TMEM266: variants seen among roughly 807,000 people sequenced by gnomAD.
TMEM266 encodes the protein Hv1 related protein 1.
In TMEM266, 33 loss-of-function variants were observed where a neutral mutation model predicts 50.5. That is an observed-to-expected ratio of 0.65 (90% confidence interval 0.50 to 0.87). TMEM266 has a LOEUF of 0.87. TMEM266 is among the 40% of genes least tolerant of loss of function. The pLI, the probability that TMEM266 is intolerant of heterozygous loss-of-function variation, is 0.00. For missense variants in TMEM266, 655 were observed against 695.1 expected, an observed-to-expected ratio of 0.94 and a Z score of 0.65; for synonymous variants, 310 against 292.3, an observed-to-expected ratio of 1.06 and a Z score of -0.62.
At chr15:76,101,700 A>G (rs2037002375) in intron 1 of TMEM266, among the ~76,000 whole-genome samples, 1 of 152,242 alleles carries the variant, frequency 6.6e-6, no homozygotes, top group African/African-American at 2.4e-5. Flanking sequence ...CTAGTATTTC[A>G]GTCTCAGACC....
At chr15:76,183,103 C>CTTTTTTTTTTTTTTTTTTTTTTTTT (rs71140199) in intron 8 of TMEM266, among the ~76,000 whole-genome samples, 1 of 44,126 alleles carries the variant, frequency 2.3e-5, no homozygotes, top group African/African-American at 8.8e-5. Flanking sequence ...CATTTTGTGG[C>CTTTTTTTTTTTTTTTTTTTTTTTTT]TTTTTTTTTT....
At chr15:76,072,730 C>G (rs899141008) in intron 1 of TMEM266, among the ~76,000 whole-genome samples, 1 of 151,440 alleles carries the variant, frequency 6.6e-6, no homozygotes, top group African/African-American at 2.4e-5. Context: ...CTCTGCCTCC[C>G]GGGTTCAAGC....
intron 8 of TMEM266, chr15:76,181,451 T>A (rs2038403380): frequency 6.6e-6 from 1 of 152,254 alleles, no homozygotes; most frequent in Non-Finnish European, 1.5e-5. Flanking sequence ...TGGCCATGCC[T>A]TCTGCAGTCC....
intron 2 of TMEM266, among the ~76,000 whole-genome samples, chr15:76,136,772 A>G (rs2037595480): frequency 6.6e-6 from 1 of 152,198 alleles, no homozygotes; most frequent in South Asian, 2.1e-4. Flanking sequence ...ATCTCTGGAC[A>G]GGGTTGCTGT....
At chr15:76,140,871 CAA>C (rs3068699) in intron 3 of TMEM266, among the ~76,000 whole-genome samples, 2,042 of 133,452 alleles carry the variant, frequency 0.015, 47 homozygotes, top group African/African-American at 0.05. Context: ...CCCATCTCTA[CAA>C]AAAAAAAAAA....
intron 8 of TMEM266, among the ~76,000 whole-genome samples, chr15:76,181,682 C>T (rs761509843): frequency 3.3e-5 from 5 of 152,136 alleles, no homozygotes; most frequent in East Asian, 1.9e-4. Flanking sequence ...TTCAGAGAGA[C>T]GGTGTGGATG....
intron 1 of TMEM266, among the ~76,000 whole-genome samples, chr15:76,083,767 A>G (rs1447408139): frequency 6.6e-6 from 1 of 151,998 alleles, no homozygotes; most frequent in Non-Finnish European, 1.5e-5. Context: ...TGACTGTTTT[A>G]ATTCACCATT....
chr15:76,178,359 T>C (rs569647583), intron 8 of TMEM266, among the ~76,000 whole-genome samples: 1 of 152,060 alleles, frequency 6.6e-6, no homozygotes, highest in Non-Finnish European at 1.5e-5. Flanking sequence ...AAGTGCAGGG[T>C]GTCATCCAGA....
At chr15:76,151,487 G>C (rs1480199338) in intron 3 of TMEM266, among the ~76,000 whole-genome samples, 1 of 152,112 alleles carries the variant, frequency 6.6e-6, no homozygotes, top group Non-Finnish European at 1.5e-5. Flanking sequence ...TGGAGCCCTG[G>C]GGTCTGTGGT....
At chr15:76,110,755 G>C (rs2037158675) in intron 1 of TMEM266, among the ~76,000 whole-genome samples, 1 of 152,156 alleles carries the variant, frequency 6.6e-6, no homozygotes. Flanking sequence ...AAGGAATTAT[G>C]TCCAAAATAT....
chr15:76,104,589 C>T (rs2133098), intron 1 of TMEM266, among the ~76,000 whole-genome samples: 8,223 of 152,012 alleles, frequency 0.054, 697 homozygotes, highest in African/African-American at 0.18. Flanking sequence ...GAGGCCGAGG[C>T]GGGCGGATCA....
chr15:76,171,180 G>T, intron 7 of TMEM266, 49 bp downstream of exon 7: 1 of 1,600,166 alleles, frequency 6.2e-7, no homozygotes, highest in Non-Finnish European at 8.5e-7. Flanking sequence ...CCAGAAAGTG[G>T]GGCTTTCAAC....
chr15:76,146,555 GA>G (rs1270524651), intron 3 of TMEM266, among the ~76,000 whole-genome samples: 1 of 151,852 alleles, frequency 6.6e-6, no homozygotes, highest in Non-Finnish European at 1.5e-5. Flanking sequence ...ACATTCAGAG[GA>G]AAAAAACATA....
intron 8 of TMEM266, among the ~76,000 whole-genome samples, chr15:76,183,717 C>T (rs1486050506): frequency 6.6e-6 from 1 of 152,214 alleles, no homozygotes; most frequent in Non-Finnish European, 1.5e-5. Context: ...GCAGGCGGCA[C>T]AGCCACACTT....
At chr15:76,189,473 C>G (rs2038535977) in intron 8 of TMEM266, among the ~76,000 whole-genome samples, 2 of 152,120 alleles carry the variant, frequency 1.3e-5, no homozygotes, top group African/African-American at 2.4e-5. Context: ...GAAATGAAGA[C>G]TAGACAAGAA....
intron 1 of TMEM266, among the ~76,000 whole-genome samples, chr15:76,126,085 A>G (rs2037419062): frequency 6.6e-6 from 1 of 152,080 alleles, no homozygotes; most frequent in African/African-American, 2.4e-5. Flanking sequence ...GATGTGGAAA[A>G]CAGAGAACCT....
At chr15:76,187,118 C>G (rs1367655182) in intron 8 of TMEM266, among the ~76,000 whole-genome samples, 1 of 151,502 alleles carries the variant, frequency 6.6e-6, no homozygotes, top group Non-Finnish European at 1.5e-5. Flanking sequence ...TTAACATTGC[C>G]CCACCATGGT....
chr15:76,169,743 G>A (rs1348710383), intron 5 of TMEM266, 73 bp from the exon 6 acceptor site: 30 of 1,484,056 alleles, frequency 2.0e-5, no homozygotes, highest in Non-Finnish European at 2.8e-5. Context: ...AGAGCTCTGA[G>A]TGCTGAGCTC....
chr15:76,161,193 G>A lies in TMEM266; in HGVS notation c.456+1025G>A, dbSNP rs1175082411. Among the ~76,000 whole-genome samples the A allele has an allele frequency of 2.0e-5, 3 of 152,148 alleles. No homozygotes were observed. The highest frequency in any genetic ancestry group is 1.3e-4 in the Admixed American group (2 of 15,278). On this transcript the variant is annotated intron_variant, in intron 5 of 10. Transcript: ENST00000388942. This position sits in a 1 kb window ranked among gnomAD's most constrained non-coding sequence, Gnocchi z 4.1. ...ATATTAGCCCATGCAAAGTCCCGTG[G>A]GCCTTTCAGCATGGCTCAGGAAACC...
Sources: gnomAD v4.1 joint callset for allele counts (sites outside exome capture counted in the v4.1 genomes callset) on GRCh38, gnomAD v4.1.1 for gene constraint, Gnocchi (gnomAD v3.1) non-coding constraint, MANE v1.5 for transcripts, NCBI Gene and HGNC (gene_info 2026-07-23, HGNC 2026-07-21) for gene names.